Variants in MMP24OS observed in about 807,000 individuals in gnomAD.
MMP24OS encodes protein MMP24OS.
Position 35,277,362 on chromosome 20 carries a change from C to T in MMP24OS, c.*352G>A. On this transcript the variant is annotated 3_prime_UTR_variant, in exon 2 of 2. Coordinates refer to ENST00000456790, the MANE Select transcript of MMP24OS (RefSeq NM_001355003.2). The stretch of plus-strand genomic sequence containing the variant: ...GATATTAATAAAAGGCAGACGAAGT[C>T]AGGAGGTCAGCAACTTTGCGGGCTT... The T allele has an allele frequency of 3.6e-6, 1 of 277,842 alleles. No individual in the cohort carries two copies. Among genetic ancestry groups the T allele is most frequent in the Non-Finnish European group, 6.7e-6 (1 of 149,210 alleles). The allele number at this position is 277,842 out of a possible 1,614,324, so 17.2% of individuals were successfully genotyped here.
rs979239612 is a variant in MMP24OS at position 35,277,445 on chromosome 20, A to C, written c.*269T>G. 2 of 371,312 alleles carry C rather than the reference A, an allele frequency of 5.4e-6. No homozygotes were observed. The highest frequency in any genetic ancestry group is 9.6e-6 in the Non-Finnish European group (2 of 208,794). The allele number at this position is 371,312 out of a possible 1,614,324, so 23.0% of individuals were successfully genotyped here. On this transcript the variant is annotated 3_prime_UTR_variant, in exon 2 of 2. Transcript: ENST00000456790. The stretch of plus-strand genomic sequence containing the variant: ...CGACAGAGAGGGATGCCCCCGACCC[A>C]GCCAGCCGGAGAAAGGGATGGGGTG...
chr20:35,277,205 A>G lies in MMP24OS; in HGVS notation c.*509T>C, dbSNP rs1366511427. On this transcript the variant is annotated 3_prime_UTR_variant, in exon 2 of 2. Transcript: ENST00000456790. ...GGGGTTCCAGGAACACAGCCTGATGATGCCTCCTTACGATCCAGGATGGAG... is the reference window on the plus strand; with the variant it reads ...GGGGTTCCAGGAACACAGCCTGATGGTGCCTCCTTACGATCCAGGATGGAG... 1.3e-5 allele frequency: 2 copies of G among 152,558 alleles called. No individual in the cohort carries two copies. The highest frequency in any genetic ancestry group is 4.8e-5 in the African/African-American group (2 of 41,434). The allele number at this position is 152,558 out of a possible 1,614,324, so 9.5% of individuals were successfully genotyped here. A position where few individuals can be genotyped will look rare whatever the true frequency, so the allele number is the denominator to read the frequency against.
Position 35,276,388 on chromosome 20 carries a change from T to C in MMP24OS, c.*1326A>G. 1 of 398,564 alleles carries C rather than the reference T, an allele frequency of 2.5e-6. No individual in the cohort carries two copies. The highest frequency in any genetic ancestry group is 3.6e-5 in the East Asian group (1 of 28,082). The allele number at this position is 398,564 out of a possible 1,614,324, so 24.7% of individuals were successfully genotyped here. The stretch of plus-strand genomic sequence containing the variant: ...GCAAAGCACTTTATTAGCTCACACC[T>C]GTCCACTCACATGAAACTCGTGTTA... On this transcript the variant is annotated 3_prime_UTR_variant, in exon 2 of 2. Transcript: ENST00000456790.
At position 35,277,530 on chromosome 20, in the gene MMP24OS, G is replaced by A. The variant is rs1344375794; in HGVS notation, c.*184C>T. On this transcript the variant is annotated 3_prime_UTR_variant, in exon 2 of 2. Coordinates refer to ENST00000456790, the MANE Select transcript of MMP24OS (RefSeq NM_001355003.2). The stretch of plus-strand genomic sequence containing the variant: ...TGGGAAGCAGGCTGGGGTGTAGACT[G>A]CGAAGGCGGCCCTGCCGGGACTTCT... The A allele has an allele frequency of 5.1e-6, 2 of 389,456 alleles. No individual in the cohort carries two copies. Among genetic ancestry groups the A allele is most frequent in the African/African-American group, 2.1e-5 (1 of 48,174 alleles). The allele number at this position is 389,456 out of a possible 1,614,324, so 24.1% of individuals were successfully genotyped here.
rs1350133281 is a variant in MMP24OS at position 35,277,605 on chromosome 20, T to C, written c.*109A>G. ...AATTCTCTGCTATCTCTGGGGAGCC[T>C]CGGGTGGGAGGGGGTGTAAGAGACG... On this transcript the variant is annotated 3_prime_UTR_variant, in exon 2 of 2. Transcript: ENST00000456790. 2.6e-6 allele frequency: 1 copy of C among 391,702 alleles called. No homozygotes were observed. The highest frequency in any genetic ancestry group is 3.6e-5 in the East Asian group (1 of 27,596). 24.3% of individuals were successfully genotyped at this position (391,702 alleles called of 1,614,324 possible).
chr20:35,277,470 G>A lies in MMP24OS; in HGVS notation c.*244C>T, dbSNP rs1238468809. On this transcript the variant is annotated 3_prime_UTR_variant, in exon 2 of 2. Coordinates refer to ENST00000456790, the MANE Select transcript of MMP24OS (RefSeq NM_001355003.2). ...AGCCAGCCGGAGAAAGGGATGGGGTGGTCACGAAGGTCTGAGCTGGGTCTG... is the reference window on the plus strand; with the variant it reads ...AGCCAGCCGGAGAAAGGGATGGGGTAGTCACGAAGGTCTGAGCTGGGTCTG... The A allele has an allele frequency of 5.2e-6, 2 of 382,104 alleles. No homozygotes were observed. The allele number at this position is 382,104 out of a possible 1,614,324, so 23.7% of individuals were successfully genotyped here. A position where few individuals can be genotyped will look rare whatever the true frequency, so the allele number is the denominator to read the frequency against.
chr20:35,278,110 T>G lies in MMP24OS; in HGVS notation c.-105A>C, dbSNP rs937058170. ...GCGTACCGACCTCACCCTCCGTGCG[T>G]TGGAGCGGAAAGAAGGGACTCGACC... is the stretch of plus-strand genomic sequence containing the variant. On this transcript the variant is annotated 5_prime_UTR_variant, in exon 1 of 2. Transcript: ENST00000456790. 5.2e-6 allele frequency: 2 copies of G among 387,436 alleles called. No homozygotes were observed. Among genetic ancestry groups the G allele is most frequent in the African/African-American group, 2.1e-5 (1 of 47,988 alleles). 24.0% of individuals were successfully genotyped at this position (387,436 alleles called of 1,614,324 possible).
chr20:35,276,681 A>C lies in MMP24OS; in HGVS notation c.*1033T>G. ...ACCCCCGCCTCCCGCCAGGCTCCCC[A>C]TTGGCTCCTGGCAGGCCAGCTGAGA... is the stretch of plus-strand genomic sequence containing the variant. On this transcript the variant is annotated 3_prime_UTR_variant, in exon 2 of 2. Coordinates refer to ENST00000456790, the MANE Select transcript of MMP24OS (RefSeq NM_001355003.2). 6.1e-6 allele frequency: 1 copy of C among 165,096 alleles called. No individual in the cohort carries two copies. The highest frequency in any genetic ancestry group is 1.3e-5 in the Non-Finnish European group (1 of 76,490). The allele number at this position is 165,096 out of a possible 1,614,324, so 10.2% of individuals were successfully genotyped here.
In MMP24OS at chr20:35,278,030, GT is replaced by G. The variant is rs1382259942; in HGVS notation, c.-26del. 2.3e-5 allele frequency: 9 copies of G among 388,970 alleles called. No individual in the cohort carries two copies. Among genetic ancestry groups the G allele is most frequent in the Non-Finnish European group, 4.1e-5 (9 of 220,032 alleles). 24.1% of individuals were successfully genotyped at this position (388,970 alleles called of 1,614,324 possible). ...TCACCTCTCGCAGCCAGACCCGCGG[GT>G]CTCCCGGAACCCACCTCGGCGTCGG... On this transcript the variant is annotated 5_prime_UTR_variant, in exon 1 of 2. Transcript: ENST00000456790.
At position 35,277,768 on chromosome 20, in the gene MMP24OS, C is replaced by CGGGCTGGGCTCGGGCTG; in HGVS notation, c.145_161dup (p.Trp55SerfsTer133). 1 of 87,376 alleles carries CGGGCTGGGCTCGGGCTG rather than the reference C, an allele frequency of 1.1e-5. No individual in the cohort carries two copies. Among genetic ancestry groups the CGGGCTGGGCTCGGGCTG allele is most frequent in the Non-Finnish European group, 2.1e-5 (1 of 48,348 alleles). The allele number at this position is 87,376 out of a possible 1,614,324, so 5.4% of individuals were successfully genotyped here. Reference sequence around the variant, plus strand: ...AGCGCACGTCGTCCAGCGGCCCCCACGGGCTGGGCTCGGGCTGGGGCTGGG... The same window carrying CGGGCTGGGCTCGGGCTG: ...AGCGCACGTCGTCCAGCGGCCCCCACGGGCTGGGCTCGGGCTGGGGCTGGGCTCGGGCTGGGGCTGGG... On this transcript the variant is annotated frameshift_variant, in exon 2 of 2. Coordinates refer to ENST00000456790, the MANE Select transcript of MMP24OS (RefSeq NM_001355003.2). LOFTEE classifies it high-confidence loss of function.
rs2060706863 is a variant in MMP24OS, at chr20:35,276,436, C to T, written c.*1278G>A. The stretch of plus-strand genomic sequence containing the variant: ...TTAGGCCCTGGGAGGCCGACGGTAA[C>T]TCTCACCGTGCCCTCAGATGAAGCA... On this transcript the variant is annotated 3_prime_UTR_variant, in exon 2 of 2. Coordinates refer to ENST00000456790, the MANE Select transcript of MMP24OS (RefSeq NM_001355003.2). 7.5e-6 allele frequency: 3 copies of T among 397,712 alleles called. No homozygotes were observed. Among genetic ancestry groups the T allele is most frequent in the Admixed American group, 4.4e-5 (1 of 22,706 alleles). 24.6% of individuals were successfully genotyped at this position (397,712 alleles called of 1,614,324 possible).
Position 35,277,924 on chromosome 20 carries a change from C to A in MMP24OS, c.6G>T (p.Gly2=), listed in dbSNP as rs1470645452. 1.3e-5 allele frequency: 5 copies of A among 397,620 alleles called. No homozygotes were observed. The East Asian group carries it at 1.8e-4, about 14-fold the overall frequency. The allele number at this position is 397,620 out of a possible 1,614,324, so 24.6% of individuals were successfully genotyped here. The change falls in exon 2 of 2, where the codon GGG becomes GGT. Residue 2 remains glycine, a synonymous_variant. Coordinates refer to ENST00000456790, the MANE Select transcript of MMP24OS (RefSeq NM_001355003.2). The part of the protein sequence containing the change: M[G]AQLSGGRGAP... ...CGCCGCGGCCGCCGCTTAGCTGAGC[C>A]CCCATGGTCTGCAAGAAGAGAAGCC...
rs569885622 is a variant in MMP24OS, at chr20:35,276,682, T to C, written c.*1032A>G. The stretch of plus-strand genomic sequence containing the variant: ...CCCCCGCCTCCCGCCAGGCTCCCCA[T>C]TGGCTCCTGGCAGGCCAGCTGAGAA... On this transcript the variant is annotated 3_prime_UTR_variant, in exon 2 of 2. Coordinates refer to ENST00000456790, the MANE Select transcript of MMP24OS (RefSeq NM_001355003.2). 238 of 163,572 alleles carry C rather than the reference T, an allele frequency of 1.5e-3. No individual in the cohort carries two copies. The highest frequency in any genetic ancestry group is 2.5e-3 in the Non-Finnish European group (192 of 75,482). The allele number at this position is 163,572 out of a possible 1,614,324, so 10.1% of individuals were successfully genotyped here.
Position 35,277,480 on chromosome 20 carries a change from G to A in MMP24OS, c.*234C>T, listed in dbSNP as rs1166448764. 2 of 385,080 alleles carry A rather than the reference G, an allele frequency of 5.2e-6. No individual in the cohort carries two copies. The highest frequency in any genetic ancestry group is 4.5e-5 in the Admixed American group (1 of 22,310). 23.9% of individuals were successfully genotyped at this position (385,080 alleles called of 1,614,324 possible). A position where few individuals can be genotyped will look rare whatever the true frequency, so the allele number is the denominator to read the frequency against. Reference sequence around the variant, plus strand: ...AGAAAGGGATGGGGTGGTCACGAAGGTCTGAGCTGGGTCTGGGTGTAGGCT... The same window carrying A: ...AGAAAGGGATGGGGTGGTCACGAAGATCTGAGCTGGGTCTGGGTGTAGGCT... On this transcript the variant is annotated 3_prime_UTR_variant, in exon 2 of 2. Coordinates refer to ENST00000456790, the MANE Select transcript of MMP24OS (RefSeq NM_001355003.2).
chr20:35,277,453 G>A lies in MMP24OS; in HGVS notation c.*261C>T, dbSNP rs925135756. The A allele has an allele frequency of 7.7e-5, 29 of 375,238 alleles. No individual in the cohort carries two copies. Among genetic ancestry groups the A allele is most frequent in the Non-Finnish European group, 2.4e-5 (5 of 211,420 alleles). 23.2% of individuals were successfully genotyped at this position (375,238 alleles called of 1,614,324 possible). A position where few individuals can be genotyped will look rare whatever the true frequency, so the allele number is the denominator to read the frequency against. On this transcript the variant is annotated 3_prime_UTR_variant, in exon 2 of 2. Transcript: ENST00000456790. ...AGGGATGCCCCCGACCCAGCCAGCC[G>A]GAGAAAGGGATGGGGTGGTCACGAA...
rs2060726544 is a variant in MMP24OS at position 35,277,855 on chromosome 20, A to AGGATGGGGCTGG, written c.74_75insCCAGCCCCATCC (p.Pro25_Ala26insGlnProHisPro). On this transcript the variant is annotated inframe_insertion, in exon 2 of 2. Coordinates refer to ENST00000456790, the MANE Select transcript of MMP24OS (RefSeq NM_001355003.2). ...GCTGTTCCGGGCCCTCCGGCGCCGC[A>AGGATGGGGCTGG]GGCTGGGGCTGGGGCTGGGGCTGGG... 1 of 259,590 alleles carries AGGATGGGGCTGG rather than the reference A, an allele frequency of 3.9e-6. No individual in the cohort carries two copies. Among genetic ancestry groups the AGGATGGGGCTGG allele is most frequent in the Admixed American group, 6.5e-5 (1 of 15,310 alleles). The allele number at this position is 259,590 out of a possible 1,614,324, so 16.1% of individuals were successfully genotyped here.
Position 35,277,939 on chromosome 20 carries a change from G to C in MMP24OS, c.-3-7C>G. The C allele has an allele frequency of 2.5e-6, 1 of 397,264 alleles. No individual in the cohort carries two copies. Among genetic ancestry groups the C allele is most frequent in the Non-Finnish European group, 4.4e-6 (1 of 225,282 alleles). 24.6% of individuals were successfully genotyped at this position (397,264 alleles called of 1,614,324 possible). A position where few individuals can be genotyped will look rare whatever the true frequency, so the allele number is the denominator to read the frequency against. On this transcript the variant is annotated splice_polypyrimidine_tract_variant and splice_region_variant and intron_variant, in intron 1 of 1. Coordinates refer to ENST00000456790, the MANE Select transcript of MMP24OS (RefSeq NM_001355003.2). Reference sequence around the variant, plus strand: ...TTAGCTGAGCCCCCATGGTCTGCAAGAAGAGAAGCCCTTTAAGGTCTGGGT... The same window carrying C: ...TTAGCTGAGCCCCCATGGTCTGCAACAAGAGAAGCCCTTTAAGGTCTGGGT...
Position 35,277,800 on chromosome 20 carries a change from G to A in MMP24OS, c.130C>T (p.Pro44Ser), listed in dbSNP as rs1055698541. 8 of 392,148 alleles carry A rather than the reference G, an allele frequency of 2.0e-5. No individual in the cohort carries two copies. The Admixed American group carries it at 3.6e-4, about 18-fold the overall frequency. The allele number at this position is 392,148 out of a possible 1,614,324, so 24.3% of individuals were successfully genotyped here. Residue 44 changes from proline (P) to serine (S), a missense_variant, in exon 2 of 2, where the codon CCC becomes TCC. Transcript: ENST00000456790. ...GGCTCGGGCTGGGGCTGGGGCTGGG[G>A]CTGGGGCTGGGGCTGGGGCGGATGC... ...PRHPPQPQPQ[P>S]QPQPQPEPSP...
Position 35,277,519 on chromosome 20 carries a change from G to C in MMP24OS, c.*195C>G. 2.6e-6 allele frequency: 1 copy of C among 389,006 alleles called. No homozygotes were observed. Among genetic ancestry groups the C allele is most frequent in the Non-Finnish European group, 4.5e-6 (1 of 220,320 alleles). The allele number at this position is 389,006 out of a possible 1,614,324, so 24.1% of individuals were successfully genotyped here. ...TGGGTGTAGGCTGGGAAGCAGGCTGGGGTGTAGACTGCGAAGGCGGCCCTG... is the reference window on the plus strand; with the variant it reads ...TGGGTGTAGGCTGGGAAGCAGGCTGCGGTGTAGACTGCGAAGGCGGCCCTG... On this transcript the variant is annotated 3_prime_UTR_variant, in exon 2 of 2. Transcript: ENST00000456790.
Sources: gnomAD v4.1 joint callset for allele counts on GRCh38, gnomAD v4.1.1 for gene constraint, MANE v1.5 for transcripts, NCBI Gene and HGNC (gene_info 2026-07-23, HGNC 2026-07-21) for gene names.